GLRA1: variants seen among roughly 807,000 people sequenced by gnomAD.
The protein encoded by GLRA1 is glycine receptor subunit alpha-1.
A neutral mutation model predicts 48.3 loss-of-function variants in GLRA1; 37 were observed. That is an observed-to-expected ratio of 0.77 (90% CI 0.59 to 1.01). The LOEUF is 1.01. GLRA1 is among the 50% of genes least tolerant of loss of function. The pLI is 0.00. For synonymous variants in GLRA1, 196 were observed against 210.7 expected, an observed-to-expected ratio of 0.93 and a Z score of 0.60; for missense variants, 427 against 571.0, an observed-to-expected ratio of 0.75 and a Z score of 2.57.
chr5:151,847,419 G>GT (rs200124040), intron 7 of GLRA1, among the ~76,000 whole-genome samples: 6,426 of 152,176 alleles, frequency 0.042, 221 homozygotes, highest in Admixed American at 0.088. Context: ...AGCATTAACC[G>GT]TAAGTGAAAC....
rs1754146288 is a variant in GLRA1, at chr5:151,893,355, T to TCTTTCTTC, written c.57-918_57-917insGAAGAAAG. Among the ~76,000 whole-genome samples, 11 of 143,814 alleles carry TCTTTCTTC rather than the reference T, an allele frequency of 7.6e-5. No individual in the cohort carries two copies. In the Admixed American group the frequency reaches 7.7e-4, roughly 10 times the overall value. The allele number at this position is 143,814 out of a possible 152,430, so 94.3% of individuals were successfully genotyped here. ...TTCTTTCTTTCTTTCTTTCTTTCTTTCTTTCATTTTAGTTCTGGGATACAT... is the reference window on the plus strand; with the variant it reads ...TTCTTTCTTTCTTTCTTTCTTTCTTTCTTTCTTCCTTTCATTTTAGTTCTGGGATACAT... On this transcript the variant is annotated intron_variant, in intron 1 of 8. Coordinates refer to ENST00000274576, the MANE Select transcript of GLRA1 (RefSeq NM_000171.4).
At chr5:151,833,978 A>T (rs1439053189) in intron 7 of GLRA1, among the ~76,000 whole-genome samples, 1 of 152,204 alleles carries the variant, frequency 6.6e-6, no homozygotes, top group East Asian at 1.9e-4. Context: ...TTCGTAAGGC[A>T]AGTTCTTAGA....
intron 3 of GLRA1, among the ~76,000 whole-genome samples, chr5:151,866,809 A>G (rs1753348432): frequency 6.6e-6 from 1 of 152,144 alleles, no homozygotes; most frequent in Admixed American, 6.5e-5. Context: ...GAGGGTCATA[A>G]GAAGTTCTAA....
chr5:151,918,252 C>A (rs1007292044), intron 1 of GLRA1, among the ~76,000 whole-genome samples: 1 of 152,172 alleles, frequency 6.6e-6, no homozygotes, highest in Non-Finnish European at 1.5e-5. Context: ...AATGAATTTG[C>A]TGGCTGGCTG....
intron 7 of GLRA1, chr5:151,848,902 T>C: frequency 1.5e-6 from 1 of 673,734 alleles, no homozygotes; most frequent in East Asian, 3.2e-5. Context: ...CCTCAGCACA[T>C]TCCCACTTAA....
chr5:151,867,336 G>A (rs780841104), intron 3 of GLRA1, among the ~76,000 whole-genome samples: 1 of 152,064 alleles, frequency 6.6e-6, no homozygotes, highest in Non-Finnish European at 1.5e-5. Flanking sequence ...CAAGGCCAGC[G>A]ATATGCTCTA....
chr5:151,849,041 T>G (rs1233427660), intron 7 of GLRA1: 2 of 479,940 alleles, frequency 4.2e-6, no homozygotes, highest in Non-Finnish European at 7.9e-6. Context: ...TGAGCCCAAC[T>G]GTGTGGAAGA....
chr5:151,857,039 C>T (rs1041254241), intron 4 of GLRA1, among the ~76,000 whole-genome samples: 13 of 152,156 alleles, frequency 8.5e-5, no homozygotes, highest in African/African-American at 2.7e-4. Flanking sequence ...CCGGGCCTGG[C>T]GGCAGGCTCT....
At chr5:151,906,233 AACT>A (rs1754470709) in intron 1 of GLRA1, among the ~76,000 whole-genome samples, 1 of 152,216 alleles carries the variant, frequency 6.6e-6, no homozygotes, top group Admixed American at 6.5e-5. Flanking sequence ...GGCACAGAGA[AACT>A]ACTGAGTATG....
chr5:151,858,789 T>A (rs1314488190), intron 4 of GLRA1, among the ~76,000 whole-genome samples: 1 of 152,192 alleles, frequency 6.6e-6, no homozygotes, highest in African/African-American at 2.4e-5. Context: ...AAAAACGTGT[T>A]TCCCTGAAGG....
chr5:151,855,241 A>C (rs1161378688), intron 5 of GLRA1, 64 bp from the exon 6 acceptor site: 1 of 1,541,888 alleles, frequency 6.5e-7, no homozygotes, highest in Non-Finnish European at 9.0e-7. Flanking sequence ...GCATGTCAGG[A>C]TTGGTTAGGG....
At chr5:151,919,936 T>A (rs1754832615) in intron 1 of GLRA1, among the ~76,000 whole-genome samples, 1 of 152,232 alleles carries the variant, frequency 6.6e-6, no homozygotes, top group African/African-American at 2.4e-5. Flanking sequence ...CCCACATAAA[T>A]GTGATGCTGT....
chr5:151,873,043 T>A (rs1753527699), intron 3 of GLRA1, among the ~76,000 whole-genome samples: 1 of 149,790 alleles, frequency 6.7e-6, no homozygotes. Context: ...GGCATTCTTA[T>A]TTCTCATTCT....
At chr5:151,844,198 C>T (rs1328899131) in intron 7 of GLRA1, among the ~76,000 whole-genome samples, 1 of 151,050 alleles carries the variant, frequency 6.6e-6, no homozygotes, top group African/African-American at 2.4e-5. Flanking sequence ...TGGACCTCTT[C>T]CCTCACATCA....
intron 3 of GLRA1, among the ~76,000 whole-genome samples, chr5:151,866,194 A>G (rs1377034602): frequency 6.6e-6 from 1 of 152,138 alleles, no homozygotes; most frequent in African/African-American, 2.4e-5. Flanking sequence ...CAACTCACCC[A>G]TCCTGCCTCT....
rs895340923 is a variant in GLRA1 at position 151,877,523 on chromosome 5, C to A, written c.252+9198G>T. The stretch of plus-strand genomic sequence containing the variant: ...AACAAAAACAAAAACAAAAACACAA[C>A]AACAACAACAAAAAACTCCAAAACC... On this transcript the variant is annotated intron_variant, in intron 3 of 8. Coordinates refer to ENST00000274576, the MANE Select transcript of GLRA1 (RefSeq NM_000171.4). Among the ~76,000 whole-genome samples the A allele has an allele frequency of 7.9e-5, 12 of 151,686 alleles. 1 individual carries two copies. The highest frequency in any genetic ancestry group is 5.3e-4 in the Admixed American group (8 of 15,232).
chr5:151,887,512 A>G (rs73794390), intron 2 of GLRA1, among the ~76,000 whole-genome samples: 3,818 of 152,242 alleles, frequency 0.025, 71 homozygotes, highest in South Asian at 0.072. Flanking sequence ...TCATTTCATC[A>G]TTTCAACAAC....
intron 3 of GLRA1, among the ~76,000 whole-genome samples, chr5:151,875,361 A>T (rs141614794): frequency 6.6e-5 from 10 of 152,154 alleles, no homozygotes; most frequent in African/African-American, 1.9e-4. Context: ...TTTTGTAGAG[A>T]TGGGGTTTCA....
chr5:151,842,268 A>G (rs1199000116), intron 7 of GLRA1, among the ~76,000 whole-genome samples: 2 of 152,014 alleles, frequency 1.3e-5, no homozygotes, highest in Non-Finnish European at 2.9e-5. Flanking sequence ...TCTAAGAAGC[A>G]AGTATTACCC....
Sources: gnomAD v4.1 joint callset for allele counts (sites outside exome capture counted in the v4.1 genomes callset) on GRCh38, gnomAD v4.1.1 for gene constraint, MANE v1.5 for transcripts, NCBI Gene and HGNC (gene_info 2026-07-23, HGNC 2026-07-21) for gene names.